CASP2: variants seen among roughly 807,000 people sequenced by gnomAD.
CASP2 encodes caspase 2, also known as caspase-2.
A neutral mutation model predicts 54.4 loss-of-function variants in CASP2; 38 were observed. That is an observed-to-expected ratio of 0.70 (90% CI 0.54 to 0.92). The LOEUF is 0.92. Among genes scored for constraint, CASP2 ranks in the 40% least tolerant of loss-of-function variants. The pLI, the probability that CASP2 is intolerant of heterozygous loss-of-function variation, is 0.00. For synonymous variants in CASP2, 215 were observed against 216.3 expected, an observed-to-expected ratio of 0.99 and a Z score of 0.05; for missense variants, 512 against 579.6, an observed-to-expected ratio of 0.88 and a Z score of 1.20.
chr7:143,303,657 T>G, intron 8 of CASP2, 127 bp from the exon 9 acceptor site: 2 of 738,546 alleles, frequency 2.7e-6, no homozygotes, highest in Non-Finnish European at 4.8e-6. Context: ...CAGCCATAGG[T>G]TGGAGGCAAC....
chr7:143,300,999 C>T (rs1164974990), intron 8 of CASP2: 2 of 834,688 alleles, frequency 2.4e-6, no homozygotes, highest in Non-Finnish European at 2.9e-6. Context: ...CTGACTTCAC[C>T]ATTTACTAGT....
chr7:143,301,846 A>C (rs1460986300), intron 8 of CASP2: 2 of 152,188 alleles, frequency 1.3e-5, no homozygotes, highest in Non-Finnish European at 2.9e-5. Context: ...CTTTAGTCAT[A>C]ACTGAGGTTT....
intron 4 of CASP2, among the ~76,000 whole-genome samples, chr7:143,292,927 C>T (rs879485260): frequency 6.6e-6 from 1 of 152,070 alleles, no homozygotes; most frequent in Non-Finnish European, 1.5e-5. Context: ...AGGAGAATTG[C>T]TAGAACCCAG....
rs150118322 is a variant in CASP2, at chr7:143,292,656, T to C, written c.433T>C (p.Cys145Arg). ...CGACTTGAGTCTCCCTTTTCCGGTG[T>C]GTGAGTCCTGTCCCCTTTACAAGAA... ...DYDLSLPFPV[C>R]ESCPLYKKLR... The change falls in exon 4 of 11, where the codon TGT (cysteine) becomes CGT (arginine). Residue 145 changes from cysteine (C) to arginine (R), a missense_variant. Physicochemically the swap from Cys to Arg is radical, Grantham distance 180. Around this residue, in one of 3 missense-constraint regions of CASP2, gnomAD observed 417 missense variants for 495.4 expected, o/e 0.84. Transcript: ENST00000310447. 1.5e-5 allele frequency: 24 copies of C among 1,613,268 alleles called. No individual in the cohort carries two copies. The highest frequency in any genetic ancestry group is 2.0e-5 in the Non-Finnish European group (24 of 1,180,032).
At chr7:143,289,396 T>TCTC (rs1283722820) in intron 1 of CASP2, among the ~76,000 whole-genome samples, 18 of 152,184 alleles carry the variant, frequency 1.2e-4, no homozygotes, top group Admixed American at 1.2e-3. Flanking sequence ...AAAATTCAAG[T>TCTC]CTGGAACTCG....
Position 143,292,625 on chromosome 7 carries a change from T to C in CASP2, c.402T>C (p.Cys134=), listed in dbSNP as rs780998073. 1.9e-6 allele frequency: 3 copies of C among 1,613,932 alleles called. No homozygotes were observed. In the South Asian group the frequency reaches 3.3e-5, roughly 18 times the overall value. ...GLQHVLPPLS[C]DYDLSLPFPV... is the part of the protein sequence containing the mutation. ...GTTTTGATTTCTTACAGTTGAGCTG[T>C]GACTACGACTTGAGTCTCCCTTTTC... The change falls in exon 4 of 11, where the codon TGT becomes TGC. Residue 134 remains cysteine (C), a synonymous_variant. Transcript: ENST00000310447.
At chr7:143,300,913 T>A (rs1054372589) in intron 8 of CASP2, 1 of 1,037,930 alleles carries the variant, frequency 9.6e-7, no homozygotes, top group African/African-American at 1.7e-5. Flanking sequence ...GGACGAGGAT[T>A]AAAAGACACA....
rs1802041190 is a variant in CASP2 at position 143,305,608 on chromosome 7, A to G, written c.*537A>G. Reference sequence around the variant, plus strand: ...CATGACTAGAGACGCACCTTGCTGCAGTGTCCAGAAGCGGCCTGTGCGTTC... The same window carrying G: ...CATGACTAGAGACGCACCTTGCTGCGGTGTCCAGAAGCGGCCTGTGCGTTC... On this transcript the variant is annotated 3_prime_UTR_variant, in exon 11 of 11. Coordinates refer to ENST00000310447, the MANE Select transcript of CASP2 (RefSeq NM_032982.4). 8.5e-6 allele frequency: 2 copies of G among 234,720 alleles called. No individual in the cohort carries two copies. Among genetic ancestry groups the G allele is most frequent in the East Asian group, 1.0e-4 (1 of 9,716 alleles). The allele number at this position is 234,720 out of a possible 1,614,324, so 14.5% of individuals were successfully genotyped here.
At chr7:143,290,351 C>T (rs190898486) in intron 1 of CASP2, among the ~76,000 whole-genome samples, 1 of 152,054 alleles carries the variant, frequency 6.6e-6, no homozygotes, top group African/African-American at 2.4e-5. Context: ...CATGAGCCAC[C>T]GTGCCCGGCC....
rs754037878 is a variant in CASP2 at position 143,304,763 on chromosome 7, G to T, written c.1207G>T (p.Val403Leu). The T allele has an allele frequency of 2.5e-6, 4 of 1,614,114 alleles. No individual in the cohort carries two copies. Among genetic ancestry groups the T allele is most frequent in the South Asian group, 2.2e-5 (2 of 91,078 alleles). The stretch of plus-strand genomic sequence containing the variant: ...TTCTGAGCGGGCTTGTGATATGCAC[G>T]TGGCCGACATGCTGGTTAAGGTGAG... ...VFSERACDMH[V>L]ADMLVKVNAL... Residue 403 changes from valine to leucine, a missense_variant, in exon 10 of 11, where the codon GTG (valine) becomes TTG (leucine). Physicochemically the swap from Val to Leu is conservative, Grantham distance 32 (BLOSUM62 1). Coordinates refer to ENST00000310447, the MANE Select transcript of CASP2 (RefSeq NM_032982.4).
chr7:143,292,744 C>T (rs1421996467), intron 4 of CASP2, 46 bp downstream of exon 4: 2 of 1,498,720 alleles, frequency 1.3e-6, no homozygotes, highest in Non-Finnish European at 1.9e-6. Context: ...GGTGCCACGG[C>T]TTACGCCTAT....
intron 8 of CASP2, chr7:143,302,486 C>A (rs999258210): frequency 1.3e-5 from 2 of 152,238 alleles, no homozygotes; most frequent in South Asian, 4.1e-4. Context: ...GCTCCACCCC[C>A]CTGCCCCAGT....
chr7:143,299,813 C>T, intron 6 of CASP2, 110 bp from the exon 7 acceptor site: 3 of 1,211,406 alleles, frequency 2.5e-6, no homozygotes, highest in South Asian at 2.5e-5. Flanking sequence ...CAGGAATATA[C>T]ATAAAGCGTT....
intron 3 of CASP2, 29 bp downstream of exon 3, chr7:143,292,496 G>C: frequency 6.2e-7 from 1 of 1,613,546 alleles, no homozygotes; most frequent in Non-Finnish European, 8.5e-7. Flanking sequence ...ATGGGGTGTT[G>C]GGAAGGGTTA....
Position 143,300,060 on chromosome 7 carries a change from A to G in CASP2, c.876+9A>G, listed in dbSNP as rs145310616. ...ATGGGAAACTGCTCCAGGTGCGGATACCCTGGTGGAAGCCAACTGTTGAAA... is the reference window on the plus strand; with the variant it reads ...ATGGGAAACTGCTCCAGGTGCGGATGCCCTGGTGGAAGCCAACTGTTGAAA... On this transcript the variant is annotated intron_variant, in intron 7 of 10. Coordinates refer to ENST00000310447, the MANE Select transcript of CASP2 (RefSeq NM_032982.4). 788 of 1,614,100 alleles carry G rather than the reference A, an allele frequency of 4.9e-4. 1 individual carries two copies. Among genetic ancestry groups the G allele is most frequent in the Admixed American group, 8.3e-4 (50 of 60,020 alleles).
intron 6 of CASP2, among the ~76,000 whole-genome samples, chr7:143,296,124 CTA>C (rs1801739412): frequency 6.6e-6 from 1 of 152,188 alleles, no homozygotes; most frequent in South Asian, 2.1e-4. Flanking sequence ...ACTAAGTCAA[CTA>C]TATATACTGC....
At chr7:143,301,585 A>G (rs1801918733) in intron 8 of CASP2, 1 of 152,198 alleles carries the variant, frequency 6.6e-6, no homozygotes, top group South Asian at 2.1e-4. Context: ...AGGGTAGTTT[A>G]AAGAGATTTT....
chr7:143,293,473 G>T (rs1331314341), intron 4 of CASP2, among the ~76,000 whole-genome samples: 1 of 151,754 alleles, frequency 6.6e-6, no homozygotes, highest in Non-Finnish European at 1.5e-5. Context: ...ATTTGTTAAG[G>T]GCTAGTAGGA....
chr7:143,294,748 A>G lies in CASP2; in HGVS notation c.722A>G (p.His241Arg), dbSNP rs769892273. ...TTCAAGCTTTTGGGCTATGACGTCC[A>G]TGTTCTATGTGACCAGACTGCACAG... ...TLFKLLGYDV[H>R]VLCDQTAQEM... is the part of the protein sequence containing the mutation. Residue 241 changes from histidine to arginine, a missense_variant, in exon 6 of 11, where the codon CAT (histidine) becomes CGT (arginine). By Grantham distance (29) the His-to-Arg change is conservative (BLOSUM62 0). Transcript: ENST00000310447. The G allele has an allele frequency of 1.9e-6, 3 of 1,614,110 alleles. No homozygotes were observed. Among genetic ancestry groups the G allele is most frequent in the South Asian group, 2.2e-5 (2 of 91,086 alleles).
Sources: allele counts gnomAD v4.1 joint callset (sites outside exome capture counted in the v4.1 genomes callset), GRCh38; gene constraint gnomAD v4.1.1; regional missense constraint gnomAD v4.1.1; transcripts MANE v1.5; gene names NCBI Gene and HGNC (gene_info 2026-07-23, HGNC 2026-07-21).